SYT14: variants seen among roughly 807,000 people sequenced by gnomAD.
SYT14 encodes synaptotagmin 14.
Under a neutral mutation model 74.2 loss-of-function variants are expected in SYT14, and 32 were observed. The ratio of observed to expected loss-of-function variants is 0.43; its 90% CI spans 0.33 to 0.58. SYT14 has a LOEUF of 0.58. Ranked by LOEUF, SYT14 falls within the 20% of genes least tolerant of loss-of-function variation. The pLI is 0.05. For missense variants in SYT14, 791 were observed against 981.8 expected (o/e 0.81, Z 2.60); for synonymous variants, 298 against 337.7 (o/e 0.88, Z 1.29).
intron 2 of SYT14, among the ~76,000 whole-genome samples, chr1:209,995,491 T>C (rs903436819): frequency 3.9e-5 from 6 of 152,020 alleles, no homozygotes; most frequent in Admixed American, 2.6e-4. Context: ...TAAAACCAGT[T>C]CTTCTTGTCC....
chr1:210,114,846 T>A (rs904436391), intron 7 of SYT14, among the ~76,000 whole-genome samples: 1 of 150,446 alleles, frequency 6.6e-6, no homozygotes, highest in Non-Finnish European at 1.5e-5. Flanking sequence ...TGAGGAAGAA[T>A]TGGGACCTGG....
exon 3 of SYT14, chr1:210,013,796 T>G: frequency 6.2e-7 from 1 of 1,611,416 alleles, no homozygotes; most frequent in Non-Finnish European, 8.5e-7. Context: ...AAGATAAAAT[T>G]TGTAAGTATC....
rs1342113880 is a variant in SYT14 at position 209,998,419 on chromosome 1, A to G, written c.-485-15214A>G. 2.0e-5 allele frequency among the ~76,000 whole-genome samples: 3 copies of G among 152,140 alleles called. 1 individual carries two copies. Among genetic ancestry groups the G allele is most frequent in the South Asian group, 4.2e-4 (2 of 4,812 alleles). Reference sequence around the variant, plus strand: ...CAGTGCAATCCCTGTCAGAATATCAATGTCATTTTTAACAGAAATAGAGAA... The same window carrying G: ...CAGTGCAATCCCTGTCAGAATATCAGTGTCATTTTTAACAGAAATAGAGAA... On this transcript the variant is annotated intron_variant, in intron 2 of 9. Coordinates refer to ENST00000637265, the Ensembl canonical transcript of SYT14.
intron 5 of SYT14, among the ~76,000 whole-genome samples, chr1:210,080,027 A>G (rs1183567165): frequency 6.6e-6 from 1 of 152,238 alleles, no homozygotes; most frequent in African/African-American, 2.4e-5. Context: ...GTGATAAAAT[A>G]TATATTGTTA....
chr1:210,046,108 C>T (rs1001905545), intron 5 of SYT14, among the ~76,000 whole-genome samples: 2 of 152,146 alleles, frequency 1.3e-5, no homozygotes, highest in Non-Finnish European at 2.9e-5. Context: ...TGGTGGCTCA[C>T]GCCTATAATC....
intron 7 of SYT14, among the ~76,000 whole-genome samples, chr1:210,100,936 T>G (rs1473418114): frequency 3.3e-5 from 5 of 152,164 alleles, no homozygotes; most frequent in Admixed American, 6.6e-5. Context: ...AGAACTTCTG[T>G]GAAATTATTT....
intron 7 of SYT14, among the ~76,000 whole-genome samples, chr1:210,133,540 G>A (rs1282044549): frequency 1.3e-5 from 2 of 152,172 alleles, no homozygotes; most frequent in Admixed American, 1.3e-4. Flanking sequence ...GTCAATAGTG[G>A]TGCCAGTAAT....
chr1:210,124,037 AC>A (rs2102618767), intron 7 of SYT14, among the ~76,000 whole-genome samples: 1 of 152,300 alleles, frequency 6.6e-6, no homozygotes, highest in South Asian at 2.1e-4. Context: ...GGATTGGCAA[AC>A]TATGGCCTTC....
intron 5 of SYT14, among the ~76,000 whole-genome samples, chr1:210,069,298 T>C (rs1270873910): frequency 6.6e-6 from 1 of 152,038 alleles, no homozygotes; most frequent in African/African-American, 2.4e-5. Context: ...GTTGAGCTTA[T>C]TGAGTTCAAC....
intron 2 of SYT14, among the ~76,000 whole-genome samples, chr1:209,980,193 A>G (rs1251473406): frequency 6.6e-6 from 1 of 151,982 alleles, no homozygotes; most frequent in Non-Finnish European, 1.5e-5. Context: ...TTTGATTTAC[A>G]TTTCTCTGAT....
chr1:210,028,970 A>G (rs981013599), intron 5 of SYT14, among the ~76,000 whole-genome samples: 3 of 152,176 alleles, frequency 2.0e-5, no homozygotes, highest in Non-Finnish European at 4.4e-5. Flanking sequence ...AGCCATTCTA[A>G]TAGGTATGAG....
At chr1:210,071,401 A>G (rs1361675626) in intron 5 of SYT14, among the ~76,000 whole-genome samples, 2 of 151,948 alleles carry the variant, frequency 1.3e-5, no homozygotes, top group African/African-American at 4.8e-5. Flanking sequence ...ATTTAAAATA[A>G]CTAAACATTC....
At chr1:210,065,727 A>T (rs987623575) in intron 5 of SYT14, among the ~76,000 whole-genome samples, 13 of 151,994 alleles carry the variant, frequency 8.6e-5, no homozygotes, top group African/African-American at 3.1e-4. Flanking sequence ...ATACTTTTTT[A>T]AATTTAATTT....
At chr1:210,079,735 T>G (rs1024484373) in intron 5 of SYT14, among the ~76,000 whole-genome samples, 1 of 152,080 alleles carries the variant, frequency 6.6e-6, no homozygotes, top group Non-Finnish European at 1.5e-5. Flanking sequence ...AGGGATATGA[T>G]CCATGAGAGA....
At chr1:209,944,299 C>T (rs1013942532) in intron 1 of SYT14, among the ~76,000 whole-genome samples, 1 of 152,086 alleles carries the variant, frequency 6.6e-6, no homozygotes, top group Non-Finnish European at 1.5e-5. Flanking sequence ...GAGCATCTGG[C>T]AGTCAAAAAC....
At chr1:209,959,391 G>A (rs1247693831) in intron 2 of SYT14, among the ~76,000 whole-genome samples, 3 of 152,062 alleles carry the variant, frequency 2.0e-5, no homozygotes, top group Non-Finnish European at 4.4e-5. Context: ...CAATCTGCCC[G>A]CCTTGGCCTC....
chr1:210,103,801 A>G (rs537903393), intron 7 of SYT14, among the ~76,000 whole-genome samples: 2 of 152,236 alleles, frequency 1.3e-5, no homozygotes, highest in East Asian at 3.9e-4. Context: ...GCTAGTATAT[A>G]TTGGGAATGG....
intron 2 of SYT14, among the ~76,000 whole-genome samples, chr1:209,984,372 G>A (rs2079537917): frequency 6.6e-6 from 1 of 152,146 alleles, no homozygotes; most frequent in Non-Finnish European, 1.5e-5. Flanking sequence ...TGTCCAACAA[G>A]GTTCCAGAGT....
intron 5 of SYT14, among the ~76,000 whole-genome samples, chr1:210,054,582 T>C (rs1487296557): frequency 6.6e-6 from 1 of 152,198 alleles, no homozygotes; most frequent in African/African-American, 2.4e-5. Context: ...CAGTGATACG[T>C]AGAAAAGTAG....
Sources: allele counts gnomAD v4.1 joint callset (sites outside exome capture counted in the v4.1 genomes callset), GRCh38; gene constraint gnomAD v4.1.1; transcripts MANE v1.5; gene names NCBI Gene and HGNC (gene_info 2026-07-23, HGNC 2026-07-21).